The following WWP2 variants were observed in gnomAD, a reference collection of about 807,000 sequenced individuals.
The protein encoded by WWP2 is NEDD4-like E3 ubiquitin-protein ligase WWP2.
WWP2 carries 57 observed loss-of-function variants against 121.0 expected under a neutral mutation model. That is an observed-to-expected ratio of 0.47 (90% CI 0.38 to 0.59). WWP2 has a LOEUF of 0.59. WWP2 is among the 20% of genes least tolerant of loss of function. The pLI is 0.00. For synonymous variants in WWP2, 449 were observed against 441.3 expected (o/e 1.02, Z -0.22); for missense variants, 962 against 1,158.9 (o/e 0.83, Z 2.47).
chr16:69,932,370 T>C (rs971927913), intron 16 of WWP2, among the ~76,000 whole-genome samples: 3 of 152,230 alleles, frequency 2.0e-5, no homozygotes, highest in Admixed American at 6.5e-5. Context: ...CGTGAATCCA[T>C]GTGGCCAGTC....
intron 4 of WWP2, chr16:69,828,165 T>A (rs765698978): frequency 3.0e-6 from 1 of 332,436 alleles, no homozygotes; most frequent in Non-Finnish European, 5.8e-6. Flanking sequence ...GTGGTCCTGG[T>A]TGGTGAGTCC....
At chr16:69,782,897 C>T (rs1410753772) in intron 1 of WWP2, 2 of 152,134 alleles carry the variant, frequency 1.3e-5, no homozygotes, top group Admixed American at 6.6e-5. Flanking sequence ...TCTTGAATTC[C>T]TGCGCTCACA....
chr16:69,915,177 A>G (rs1181493185), intron 9 of WWP2, among the ~76,000 whole-genome samples: 4 of 152,254 alleles, frequency 2.6e-5, no homozygotes, highest in African/African-American at 9.6e-5. Context: ...CTTGAAAACC[A>G]CACAGAAGAC....
At position 69,872,247 on chromosome 16, in the gene WWP2, C is replaced by G. The variant is rs147451415; in HGVS notation, c.703+316C>G. Among the ~76,000 whole-genome samples, 930 of 151,184 alleles carry G rather than the reference C, an allele frequency of 6.2e-3. 8 individuals carry two copies. Among genetic ancestry groups the G allele is most frequent in the African/African-American group, 0.021 (876 of 41,140 alleles). ...TTTTTTTTTTTTTGAGACGGAGTCT[C>G]ACCCTGTCGCCCAGGCTGGAGTGCA... On this transcript the variant is annotated intron_variant, in intron 7 of 23. Transcript: ENST00000359154.
intron 1 of WWP2, among the ~76,000 whole-genome samples, chr16:69,776,853 A>G (rs927856862): frequency 3.9e-5 from 6 of 151,930 alleles, no homozygotes; most frequent in Admixed American, 2.6e-4. Flanking sequence ...AAAAAAAATT[A>G]TAATAAACTG....
At chr16:69,865,270 G>A (rs929932642) in intron 6 of WWP2, among the ~76,000 whole-genome samples, 2 of 149,754 alleles carry the variant, frequency 1.3e-5, no homozygotes, top group African/African-American at 2.5e-5. Flanking sequence ...GGCTGGTCTC[G>A]AACTCCCGAC....
chr16:69,847,859 A>G (rs1208245382), intron 6 of WWP2, among the ~76,000 whole-genome samples: 1 of 152,130 alleles, frequency 6.6e-6, no homozygotes, highest in Non-Finnish European at 1.5e-5. Flanking sequence ...CACATTGGGA[A>G]TCAAATTTCA....
At chr16:69,849,025 A>G (rs2057146176) in intron 6 of WWP2, among the ~76,000 whole-genome samples, 1 of 152,226 alleles carries the variant, frequency 6.6e-6, no homozygotes, top group Admixed American at 6.5e-5. Context: ...CGGCCTCTGA[A>G]GATTTAAAAG....
intron 15 of WWP2, 66 bp downstream of exon 15, chr16:69,931,646 C>A (rs1001325808): frequency 2.6e-5 from 42 of 1,603,328 alleles, no homozygotes; most frequent in Non-Finnish European, 3.4e-5. Context: ...CATCTCCTAT[C>A]GCGTGGCCTG....
chr16:69,827,196 A>C (rs1022979801), intron 4 of WWP2, among the ~76,000 whole-genome samples: 1 of 151,964 alleles, frequency 6.6e-6, no homozygotes, highest in African/African-American at 2.4e-5. Context: ...AATTGAACAA[A>C]GAAAATCTTT....
intron 6 of WWP2, among the ~76,000 whole-genome samples, chr16:69,863,318 A>G (rs1051687730): frequency 6.6e-6 from 1 of 152,170 alleles, no homozygotes; most frequent in Non-Finnish European, 1.5e-5. Context: ...TGACAAAAGC[A>G]TACAGCCAGG....
intron 9 of WWP2, chr16:69,910,148 C>A (rs1233391914): frequency 5.5e-6 from 1 of 181,542 alleles, no homozygotes; most frequent in Non-Finnish European, 1.1e-5. Flanking sequence ...GCACCCTGAT[C>A]TAGGTAATTT....
chr16:69,936,170 T>G (rs543562374), intron 18 of WWP2, 142 bp from the exon 19 acceptor site: 2 of 1,445,234 alleles, frequency 1.4e-6, no homozygotes, highest in East Asian at 2.3e-5. Flanking sequence ...AACCTTCTCC[T>G]TGAGTCAAGG....
chr16:69,806,990 A>G, intron 4 of WWP2, among the ~76,000 whole-genome samples: 1 of 147,722 alleles, frequency 6.8e-6, no homozygotes, highest in Non-Finnish European at 1.5e-5. Context: ...TCATTCATTC[A>G]TTTATAGCTT....
chr16:69,909,718 A>T, intron 9 of WWP2: 1 of 982,484 alleles, frequency 1.0e-6, no homozygotes, highest in Middle Eastern at 5.2e-4. Flanking sequence ...AAAAAAACAA[A>T]CAACAAAAAA....
At chr16:69,826,956 G>T (rs377213284) in intron 4 of WWP2, among the ~76,000 whole-genome samples, 3 of 17,374 alleles carry the variant, frequency 1.7e-4, no homozygotes, top group South Asian at 4.0e-3. Context: ...AAAAAAAAAG[G>T]GGGGGGGGCG....
chr16:69,769,236 G>C (rs2055362118), intron 1 of WWP2, among the ~76,000 whole-genome samples: 1 of 147,680 alleles, frequency 6.8e-6, no homozygotes, highest in Non-Finnish European at 1.5e-5. Flanking sequence ...AGAATTGCTT[G>C]AACCCGGGAG....
At chr16:69,860,186 T>G (rs1274658233) in intron 6 of WWP2, among the ~76,000 whole-genome samples, 1 of 152,066 alleles carries the variant, frequency 6.6e-6, no homozygotes, top group African/African-American at 2.4e-5. Flanking sequence ...GGCGTGGTGG[T>G]CCGATTCCAT....
chr16:69,842,574 A>T (rs1271622080), intron 6 of WWP2, among the ~76,000 whole-genome samples: 1 of 152,138 alleles, frequency 6.6e-6, no homozygotes, highest in Non-Finnish European at 1.5e-5. Context: ...ATGAGAACAT[A>T]TGGTATTTGG....
Sources: allele counts gnomAD v4.1 joint callset (sites outside exome capture counted in the v4.1 genomes callset), GRCh38; gene constraint gnomAD v4.1.1; transcripts MANE v1.5; gene names NCBI Gene and HGNC (gene_info 2026-07-23, HGNC 2026-07-21).